Variants in IARS1 observed in about 807,000 individuals in gnomAD.
The protein encoded by IARS1 is isoleucyl-tRNA synthetase 1, also known as isoleucine--tRNA ligase, cytoplasmic.
In IARS1, 124 loss-of-function variants were observed where a neutral mutation model predicts 168.2. The observed-to-expected ratio is 0.74, with a 90% CI of 0.64 to 0.86. The LOEUF is 0.86. Ranked by LOEUF, IARS1 falls within the 40% of genes least tolerant of loss-of-function variation. The probability of loss-of-function intolerance (pLI) is 0.00; values close to 1 mark genes in which losing one functional copy is unlikely to be tolerated. For missense variants in IARS1, 1,452 were observed against 1,515.8 expected (o/e 0.96, Z 0.70); for synonymous variants, 532 against 529.4 (o/e 1.00, Z -0.07).
intron 33 of IARS1, among the ~76,000 whole-genome samples, chr9:92,212,551 G>A (rs1469569515): frequency 1.3e-5 from 2 of 152,192 alleles, no homozygotes; most frequent in Non-Finnish European, 2.9e-5. Flanking sequence ...TCATGCCACT[G>A]CATTTGCTTG....
Position 92,227,678 on chromosome 9 carries a change from C to T in IARS1, c.3409+1323G>A, listed in dbSNP as rs1403496865. ...CTCAGACGGGGCGGCCGGGCAGAGA[C>T]GCTCCTCACATCCTGGACGAGGCAG... On this transcript the variant is annotated intron_variant, in intron 31 of 33. Transcript: ENST00000443024. Among the ~76,000 whole-genome samples, 5 of 150,652 alleles carry T rather than the reference C, an allele frequency of 3.3e-5. No individual in the cohort carries two copies. In the East Asian group the frequency reaches 5.9e-4, roughly 18 times the overall value.
At chr9:92,291,042 A>C (rs1027239914) in intron 1 of IARS1, among the ~76,000 whole-genome samples, 2 of 152,114 alleles carry the variant, frequency 1.3e-5, no homozygotes, top group African/African-American at 4.8e-5. Flanking sequence ...TTAGTCCCTA[A>C]TGAGAGAAGT....
chr9:92,250,596 G>T, intron 23 of IARS1, 117 bp downstream of exon 23: 3 of 1,171,782 alleles, frequency 2.6e-6, no homozygotes, highest in East Asian at 5.1e-5. Context: ...ATGTCAGCTG[G>T]GGCGGGAGGC....
chr9:92,244,137 G>T (rs1003533563), intron 27 of IARS1, among the ~76,000 whole-genome samples: 1 of 152,096 alleles, frequency 6.6e-6, no homozygotes, highest in Non-Finnish European at 1.5e-5. Context: ...AGCATCACAT[G>T]ACACTTTTGT....
intron 30 of IARS1, among the ~76,000 whole-genome samples, chr9:92,234,898 C>T (rs1194197690): frequency 6.6e-6 from 1 of 151,138 alleles, no homozygotes; most frequent in Non-Finnish European, 1.5e-5. Context: ...AACTACAGTA[C>T]AATGGCGCGA....
At position 92,222,766 on chromosome 9, in the gene IARS1, C is replaced by T. The variant is rs1055019170; in HGVS notation, c.3554-94G>A. ...CTGCGGACAGCTCTAACAGGCAGTG[C>T]TGAGGCCAGCAGTGCGTCCAGGAGC... is the stretch of plus-strand genomic sequence containing the variant. On this transcript the variant is annotated intron_variant, in intron 32 of 33. Coordinates refer to ENST00000443024, the MANE Select transcript of IARS1 (RefSeq NM_002161.6). 2.3e-6 allele frequency: 3 copies of T among 1,316,434 alleles called. No individual in the cohort carries two copies. The Admixed American group carries it at 5.6e-5, about 25-fold the overall frequency. The allele number at this position is 1,316,434 out of a possible 1,614,324, so 81.5% of individuals were successfully genotyped here. A position where few individuals can be genotyped will look rare whatever the true frequency, so the allele number is the denominator to read the frequency against.
chr9:92,228,889 C>G, intron 31 of IARS1, 112 bp downstream of exon 31: 1 of 1,264,594 alleles, frequency 7.9e-7, no homozygotes, highest in Non-Finnish European at 1.1e-6. Flanking sequence ...GGCCCTGACT[C>G]AAGAGAGTTA....
Position 92,251,892 on chromosome 9 carries a change from AG to A in IARS1, c.2230-8del. ...CCTCCATCCCATTTTCACCCTAATG[AG>A]TAAAAAGGAAACATAAACATTAAAC... On this transcript the variant is annotated splice_polypyrimidine_tract_variant and splice_region_variant and intron_variant, in intron 21 of 33. Coordinates refer to ENST00000443024, the MANE Select transcript of IARS1 (RefSeq NM_002161.6). 1 of 1,596,934 alleles carries A rather than the reference AG, an allele frequency of 6.3e-7. No homozygotes were observed. The highest frequency in any genetic ancestry group is 8.6e-7 in the Non-Finnish European group (1 of 1,164,642).
At chr9:92,268,349 T>A in intron 13 of IARS1, 49 bp from the exon 14 acceptor site, 1 of 1,586,000 alleles carries the variant, frequency 6.3e-7, no homozygotes, top group South Asian at 1.1e-5. Context: ...ATGGAAAAAT[T>A]CAACATGTAA....
At chr9:92,275,808 G>C (rs1833701385) in intron 9 of IARS1, among the ~76,000 whole-genome samples, 1 of 152,194 alleles carries the variant, frequency 6.6e-6, no homozygotes, top group Admixed American at 6.5e-5. Flanking sequence ...ATATTTCAGT[G>C]AACATCAGAT....
intron 25 of IARS1, among the ~76,000 whole-genome samples, chr9:92,248,039 A>G (rs1416595974): frequency 6.6e-6 from 1 of 152,254 alleles, no homozygotes; most frequent in African/African-American, 2.4e-5. Context: ...TTTGTATGGT[A>G]AGAAGAAAAT....
At chr9:92,267,401 T>C (rs982412782) in intron 14 of IARS1, among the ~76,000 whole-genome samples, 8 of 152,336 alleles carry the variant, frequency 5.3e-5, no homozygotes, top group East Asian at 1.9e-4. Flanking sequence ...ACTGCAACAA[T>C]GCTGTCAGCT....
chr9:92,229,260 T>A (rs1244777429), intron 30 of IARS1, 134 bp from the exon 31 acceptor site: 2 of 688,668 alleles, frequency 2.9e-6, no homozygotes, highest in Non-Finnish European at 4.8e-6. Flanking sequence ...ACACTATATA[T>A]ATGTGTATAT....
In IARS1 at chr9:92,242,349, A is replaced by C. The variant is rs533157314; in HGVS notation, c.3001-19T>G. ...GATTGCACTGAAAACACACACAGAA[A>C]AATTTAAAAGGGAAGTACATTCTAT... On this transcript the variant is annotated intron_variant, in intron 28 of 33. Transcript: ENST00000443024. 2.6e-5 allele frequency: 41 copies of C among 1,599,544 alleles called. No individual in the cohort carries two copies. The Admixed American group carries it at 3.6e-4, about 14-fold the overall frequency.
chr9:92,252,709 A>G (rs1021489326), intron 21 of IARS1, among the ~76,000 whole-genome samples: 2 of 136,522 alleles, frequency 1.5e-5, no homozygotes, highest in Non-Finnish European at 3.1e-5. Flanking sequence ...GGTTGTAGTG[A>G]GCCAAGATCA....
chr9:92,260,271 C>A, intron 17 of IARS1, 37 bp from the exon 18 acceptor site: 1 of 1,221,336 alleles, frequency 8.2e-7, no homozygotes, highest in South Asian at 1.2e-5. Flanking sequence ...TTAAGTAAGT[C>A]AATATCACAG....
chr9:92,273,207 G>C (rs1833340445), intron 10 of IARS1, among the ~76,000 whole-genome samples: 1 of 151,668 alleles, frequency 6.6e-6, no homozygotes, highest in African/African-American at 2.4e-5. Flanking sequence ...CTAAGAGTGG[G>C]GTAACCATAC....
At chr9:92,250,878 C>A in intron 22 of IARS1, 44 bp from the exon 23 acceptor site, 1 of 1,557,786 alleles carries the variant, frequency 6.4e-7, no homozygotes, top group South Asian at 1.2e-5. Context: ...ATGCAGTCAT[C>A]AACAACTGAT....
At chr9:92,263,711 C>G (rs1831864370) in intron 16 of IARS1, among the ~76,000 whole-genome samples, 1 of 152,132 alleles carries the variant, frequency 6.6e-6, no homozygotes, top group African/African-American at 2.4e-5. Context: ...TTGGGAGGAG[C>G]CCTGGTGCCC....
Sources: gnomAD v4.1 joint callset for allele counts (sites outside exome capture counted in the v4.1 genomes callset) on GRCh38, gnomAD v4.1.1 for gene constraint, MANE v1.5 for transcripts, NCBI Gene and HGNC (gene_info 2026-07-23, HGNC 2026-07-21) for gene names.